Variants in DNAH2 observed in about 807,000 individuals in gnomAD.
DNAH2 encodes the protein axonemal beta dynein heavy chain 2.
In DNAH2, 323 loss-of-function variants were observed where a neutral mutation model predicts 523.5. That is an observed-to-expected ratio of 0.62 (90% CI 0.56 to 0.68). The LOEUF (loss-of-function observed/expected upper bound fraction) is 0.68, where lower values mean the gene tolerates loss of function less well. Ranked by LOEUF, DNAH2 falls within the 30% of genes least tolerant of loss-of-function variation. DNAH2 has a pLI of 0.00. For missense variants in DNAH2, 4,907 were observed against 5,701.5 expected, an observed-to-expected ratio of 0.86 and a Z score of 4.49; for synonymous variants, 2,093 against 2,177.4, an observed-to-expected ratio of 0.96 and a Z score of 1.08.
intron 12 of DNAH2, among the ~76,000 whole-genome samples, chr17:7,752,259 A>T (rs2075707433): frequency 6.7e-6 from 1 of 150,002 alleles, no homozygotes; most frequent in South Asian, 2.1e-4. Context: ...CTTTTTCTTG[A>T]TGATAATATC....
At chr17:7,725,853 C>A (rs973556300) in intron 3 of DNAH2, among the ~76,000 whole-genome samples, 4 of 151,822 alleles carry the variant, frequency 2.6e-5, no homozygotes, top group African/African-American at 7.3e-5. Flanking sequence ...TTCATCCTGT[C>A]TATATGTATT....
Position 7,816,637 on chromosome 17 carries a change from C to T in DNAH2, c.9796C>T (p.Arg3266Cys), listed in dbSNP as rs760755652. 2.0e-5 allele frequency: 32 copies of T among 1,614,056 alleles called. No individual in the cohort carries two copies. The highest frequency in any genetic ancestry group is 1.5e-4 in the African/African-American group (11 of 74,906). The change falls in exon 64 of 86, where the codon CGC (arginine) becomes TGC (cysteine). Residue 3266 changes from arginine (R) to cysteine (C), a missense_variant. Transcript: ENST00000572933. ...GAAGCTGGCACAGAAGGAGGAGCTTCGCAAGAAGTCTGAAGAGATGGAGCT... is the reference window on the plus strand; with the variant it reads ...GAAGCTGGCACAGAAGGAGGAGCTTTGCAAGAAGTCTGAAGAGATGGAGCT... ...DEKLAQKEEL[R>C]KKSEEMELKL... is the part of the protein sequence containing the mutation.
intron 63 of DNAH2, among the ~76,000 whole-genome samples, chr17:7,810,543 C>G (rs2077487389): frequency 6.6e-6 from 1 of 152,058 alleles, no homozygotes; most frequent in East Asian, 1.9e-4. Context: ...CGTCTGCCAC[C>G]ACGCCCGGCT....
rs575316838 is a variant in DNAH2, at chr17:7,744,829, C to T, written c.1904+1687C>T. ...GAACCTGCAAGACACATTCTCCCAT[C>T]GAGCTGGGTACCCCCAAAGTTATTG... On this transcript the variant is annotated intron_variant, in intron 12 of 85. Transcript: ENST00000572933. Among the ~76,000 whole-genome samples the T allele has an allele frequency of 1.3e-4, 20 of 152,264 alleles. No homozygotes were observed. In the East Asian group the frequency reaches 2.9e-3, roughly 22 times the overall value.
Position 7,833,449 on chromosome 17 carries a change from C to T in DNAH2, c.13200C>T (p.Ile4400=), listed in dbSNP as rs781194824. The T allele has an allele frequency of 1.7e-5, 28 of 1,614,044 alleles. No homozygotes were observed. Among genetic ancestry groups the T allele is most frequent in the Admixed American group, 5.0e-5 (3 of 60,006 alleles). Residue 4400 remains isoleucine (I), a synonymous_variant, in exon 86 of 86, where the codon ATC becomes ATT. Coordinates refer to ENST00000572933, the MANE Select transcript of DNAH2 (RefSeq NM_020877.5). ...AGSSDRASFV[I]GIDLRSGAMT... is the part of the protein sequence containing the mutation. ...GCTCAGACCGAGCCTCCTTTGTCAT[C>T]GGCATTGACCTGCGGTCTGGGGCCA...
Position 7,831,331 on chromosome 17 carries a change from C to T in DNAH2, c.12459+17C>T, listed in dbSNP as rs907430223. On this transcript the variant is annotated intron_variant, in intron 80 of 85. Transcript: ENST00000572933. This position sits in a 1 kb window ranked among gnomAD's most constrained non-coding sequence, Gnocchi z 4.2. ...GAAGAGAAGGTAAAAAGAGCCGGGC[C>T]TGGGGGAGGGAAAGTGATGAGAAGA... 15 of 1,613,840 alleles carry T rather than the reference C, an allele frequency of 9.3e-6. No individual in the cohort carries two copies. The highest frequency in any genetic ancestry group is 1.1e-5 in the South Asian group (1 of 91,086).
At position 7,720,507 on chromosome 17, in the gene DNAH2, ATTCCTTTCCTGTGGG is replaced by A. The variant is rs533512383; in HGVS notation, c.166+609_166+623del. On this transcript the variant is annotated intron_variant, in intron 2 of 85. Transcript: ENST00000572933. ...GCCTCTTGTGGCTTTGACCTGAGGG[ATTCCTTTCCTGTGGG>A]TGAGCCGGAGCCAGTAAGGTTGGAA... Among the ~76,000 whole-genome samples the A allele has an allele frequency of 2.5e-3, 387 of 152,254 alleles. 2 individuals carry two copies. The highest frequency in any genetic ancestry group is 0.01 in the Middle Eastern group (3 of 294).
chr17:7,754,547 A>T lies in DNAH2; in HGVS notation c.1905-2544A>T. 1 of 1,267,804 alleles carries T rather than the reference A, an allele frequency of 7.9e-7. No homozygotes were observed. The highest frequency in any genetic ancestry group is 1.1e-6 in the Non-Finnish European group (1 of 885,466). 78.5% of individuals were successfully genotyped at this position (1,267,804 alleles called of 1,614,324 possible). A position where few individuals can be genotyped will look rare whatever the true frequency, so the allele number is the denominator to read the frequency against. The stretch of plus-strand genomic sequence containing the variant: ...GCCAAGAAGCACAAAAGAAGGGCCT[A>T]AAGAAGATGCACACCAACAATGCCA... On this transcript the variant is annotated intron_variant, in intron 12 of 85. Coordinates refer to ENST00000572933, the MANE Select transcript of DNAH2 (RefSeq NM_020877.5). This position sits in a 1 kb window ranked among gnomAD's most constrained non-coding sequence, Gnocchi z 4.6.
At chr17:7,795,103 G>T (rs1421603772) in intron 49 of DNAH2, among the ~76,000 whole-genome samples, 1 of 152,052 alleles carries the variant, frequency 6.6e-6, no homozygotes, top group African/African-American at 2.4e-5. Flanking sequence ...AGTATGTGGG[G>T]CCAAGGGATC....
chr17:7,818,209 G>A, intron 68 of DNAH2, 103 bp from the exon 69 acceptor site: 1 of 1,595,634 alleles, frequency 6.3e-7, no homozygotes, highest in Non-Finnish European at 8.5e-7. Context: ...CTGGCCTGGG[G>A]CCTTAGGACA....
intron 78 of DNAH2, 77 bp from the exon 79 acceptor site, chr17:7,830,581 A>C: frequency 6.2e-7 from 1 of 1,606,896 alleles, no homozygotes; most frequent in Admixed American, 1.7e-5. Context: ...GTGGACACAA[A>C]GCCTGTGTTG....
rs1567723764 is a variant in DNAH2 at position 7,801,685 on chromosome 17, G to A, written c.8807G>A (p.Gly2936Glu). 3.1e-6 allele frequency: 5 copies of A among 1,614,120 alleles called. No individual in the cohort carries two copies. The highest frequency in any genetic ancestry group is 8.5e-7 in the Non-Finnish European group (1 of 1,180,032). The change falls in exon 57 of 86, where the codon GGA (glycine) becomes GAA (glutamate). Residue 2936 changes from glycine (G) to glutamate (E), a missense_variant. Gly to Glu is a moderately conservative substitution (Grantham distance 98). This residue lies in a region of DNAH2 where 1,851 missense variants were observed against 2,139.4 expected (regional missense o/e 0.87). Coordinates refer to ENST00000572933, the MANE Select transcript of DNAH2 (RefSeq NM_020877.5). ...GAGGTGGCTGAGAAGTGCCTCATAG[G>A]AGTAGACCTGGGAACTCAGGAGAAT... ...LLEVAEKCLI[G>E]VDLGTQENIH...
intron 4 of DNAH2, among the ~76,000 whole-genome samples, chr17:7,727,833 A>G (rs2074871869): frequency 6.6e-6 from 1 of 151,518 alleles, no homozygotes; most frequent in African/African-American, 2.4e-5. Flanking sequence ...TATTTACTAT[A>G]GTTTGTGATC....
chr17:7,734,402 G>A lies in DNAH2; in HGVS notation c.740-68G>A, dbSNP rs914753473. On this transcript the variant is annotated intron_variant, in intron 6 of 85. Coordinates refer to ENST00000572933, the MANE Select transcript of DNAH2 (RefSeq NM_020877.5). ...GTTAGGAGGTCTCTGTCGGGGTTGC[G>A]GGGAGTGAAGGATGCTGTTGGGAAG... 3.6e-5 allele frequency: 58 copies of A among 1,598,410 alleles called. No individual in the cohort carries two copies. In the Admixed American group the frequency reaches 4.0e-4, roughly 11 times the overall value.
Position 7,760,034 on chromosome 17 carries a change from C to A in DNAH2, c.2785+96C>A, listed in dbSNP as rs2075961706. ...GAGACCAGGGCTATTTCCAGGCATA[C>A]TGGGCCAGTCACCTCCCTGACCTGG... is the stretch of plus-strand genomic sequence containing the variant. On this transcript the variant is annotated intron_variant, in intron 17 of 85. Transcript: ENST00000572933. This position sits in a 1 kb window ranked among gnomAD's most constrained non-coding sequence, Gnocchi z 4.0. The A allele has an allele frequency of 6.4e-7, 1 of 1,564,004 alleles. No individual in the cohort carries two copies. Among genetic ancestry groups the A allele is most frequent in the African/African-American group, 1.3e-5 (1 of 74,232 alleles).
intron 39 of DNAH2, among the ~76,000 whole-genome samples, chr17:7,785,313 G>A (rs1260884085): frequency 6.6e-6 from 1 of 152,122 alleles, no homozygotes; most frequent in African/African-American, 2.4e-5. Context: ...ATGTTGGCCA[G>A]GCTGGTCTCG....
At chr17:7,762,399 C>T (rs558693310) in intron 18 of DNAH2, among the ~76,000 whole-genome samples, 28 of 149,100 alleles carry the variant, frequency 1.9e-4, no homozygotes, top group African/African-American at 6.4e-4. Context: ...GCAATGGCGC[C>T]ATCTCTGCTC....
chr17:7,769,469 T>G (rs552700322), intron 24 of DNAH2, among the ~76,000 whole-genome samples: 1 of 152,242 alleles, frequency 6.6e-6, no homozygotes, highest in Non-Finnish European at 1.5e-5. Context: ...TCCCGCCTTA[T>G]GTCTTTTGTT....
intron 3 of DNAH2, among the ~76,000 whole-genome samples, chr17:7,724,657 AC>A (rs2074736907): frequency 6.6e-6 from 1 of 151,980 alleles, no homozygotes; most frequent in Non-Finnish European, 1.5e-5. Flanking sequence ...AAACAAAAAA[AC>A]AATATTTTGA....
Sources: gnomAD v4.1 joint callset for allele counts (sites outside exome capture counted in the v4.1 genomes callset) on GRCh38, gnomAD v4.1.1 for gene constraint, gnomAD v4.1.1 regional missense constraint, Gnocchi (gnomAD v3.1) non-coding constraint, MANE v1.5 for transcripts, NCBI Gene and HGNC (gene_info 2026-07-23, HGNC 2026-07-21) for gene names.